Variants in KNSTRN observed in about 807,000 individuals in gnomAD.
KNSTRN encodes the protein kinetochore localized astrin (SPAG5) binding protein.
KNSTRN carries 38 observed loss-of-function variants against 44.7 expected under a neutral mutation model. The ratio of observed to expected loss-of-function variants is 0.85; its 90% CI spans 0.66 to 1.11. KNSTRN has a LOEUF of 1.11. Ranked by LOEUF, KNSTRN falls within the 50% of genes most tolerant of loss-of-function variation. KNSTRN has a pLI of 0.00. For missense variants in KNSTRN, 406 were observed against 375.8 expected (o/e 1.08, Z -0.66); for synonymous variants, 158 against 148.1 (o/e 1.07, Z -0.48).
intron 3 of KNSTRN, 116 bp from the exon 4 acceptor site, chr15:40,387,043 T>C: frequency 1.3e-6 from 1 of 764,070 alleles, no homozygotes; most frequent in Non-Finnish European, 2.3e-6. Flanking sequence ...CTTGTGCCAT[T>C]TGCCTTTTAT....
chr15:40,390,662 T>C (rs1377336083), intron 6 of KNSTRN, among the ~76,000 whole-genome samples: 1 of 152,098 alleles, frequency 6.6e-6, no homozygotes, highest in East Asian at 1.9e-4. Context: ...TTGCCCAAGC[T>C]GAAGTGCAGA....
chr15:40,389,457 A>G, intron 4 of KNSTRN, 49 bp from the exon 5 acceptor site: 1 of 1,436,250 alleles, frequency 7.0e-7, no homozygotes, highest in Non-Finnish European at 9.8e-7. Context: ...GGTGTGGGCC[A>G]TACTGTTAAC....
At chr15:40,393,313 G>C in intron 8 of KNSTRN, 156 bp from the exon 9 acceptor site, 1 of 1,607,210 alleles carries the variant, frequency 6.2e-7, no homozygotes, top group Non-Finnish European at 8.5e-7. Flanking sequence ...CCAGTGCATA[G>C]AAATAAAATC....
At chr15:40,384,522 C>T (rs1164862860) in intron 2 of KNSTRN, 5 of 455,368 alleles carry the variant, frequency 1.1e-5, no homozygotes, top group Admixed American at 4.7e-5. Flanking sequence ...GGAGCCAGGT[C>T]TCTCAGCTGC....
At position 40,394,260 on chromosome 15, in the gene KNSTRN, T is replaced by C. The variant is rs1182270786; in HGVS notation, c.*663T>C. 6.6e-6 allele frequency: 1 copy of C among 152,216 alleles called. No individual in the cohort carries two copies. Among genetic ancestry groups the C allele is most frequent in the African/African-American group, 2.4e-5 (1 of 41,462 alleles). The allele number at this position is 152,216 out of a possible 1,614,324, so 9.4% of individuals were successfully genotyped here. A position where few individuals can be genotyped will look rare whatever the true frequency, so the allele number is the denominator to read the frequency against. On this transcript the variant is annotated 3_prime_UTR_variant, in exon 9 of 9. Transcript: ENST00000249776. ...TTCTGTAAATATTCTGACTGTAACATTGAGGAATGAAAATAGCCTTTTAAC... is the reference window on the plus strand; with the variant it reads ...TTCTGTAAATATTCTGACTGTAACACTGAGGAATGAAAATAGCCTTTTAAC...
rs1889995880 is a variant in KNSTRN at position 40,391,502 on chromosome 15, G to A, written c.695G>A (p.Ser232Asn). 3.7e-6 allele frequency: 6 copies of A among 1,613,812 alleles called. No homozygotes were observed. The highest frequency in any genetic ancestry group is 5.1e-6 in the Non-Finnish European group (6 of 1,179,848). Residue 232 changes from serine to asparagine, a missense_variant, in exon 7 of 9, where the codon AGT (serine) becomes AAT (asparagine). Ser to Asn is a conservative substitution (Grantham distance 46). Coordinates refer to ENST00000249776, the MANE Select transcript of KNSTRN (RefSeq NM_033286.4). ...TTGTTGTATCCATCAGCTTTAGGCA[G>A]TGAGACCCTGGCATCACGACAAGAA... The part of the protein sequence containing the change: ...ESKGLDPALG[S>N]ETLASRQEST...
chr15:40,393,639 T>A lies in KNSTRN; in HGVS notation c.*42T>A. 6.3e-7 allele frequency: 1 copy of A among 1,583,560 alleles called. No individual in the cohort carries two copies. The highest frequency in any genetic ancestry group is 8.6e-7 in the Non-Finnish European group (1 of 1,160,084). ...AGATGGCTCCCTCTTGGGCATAAAA[T>A]CTCAGAGGAAGCTACTTAGGACATC... On this transcript the variant is annotated 3_prime_UTR_variant, in exon 9 of 9. Transcript: ENST00000249776.
rs1476690636 is a variant in KNSTRN at position 40,383,302 on chromosome 15, T to C, written c.284T>C (p.Leu95Pro). 6.2e-7 allele frequency: 1 copy of C among 1,612,500 alleles called. No homozygotes were observed. The highest frequency in any genetic ancestry group is 1.7e-5 in the Admixed American group (1 of 59,968). Residue 95 changes from leucine (L) to proline (P), a missense_variant, in exon 2 of 9, where the codon CTG becomes CCG. Physicochemically the swap from Leu to Pro is moderately conservative, Grantham distance 98. Coordinates refer to ENST00000249776, the MANE Select transcript of KNSTRN (RefSeq NM_033286.4). Reference protein sequence around the residue: ...TVYSLQPPSALSGGQPADTQT... With the variant: ...TVYSLQPPSAPSGGQPADTQT... ...TATAGCCTGCAGCCCCCCTCTGCGC[T>C]GAGCGGCGGCCAGCCGGCAGGTGAG...
At chr15:40,391,879 G>A (rs953735167) in intron 7 of KNSTRN, 70 bp from the exon 8 acceptor site, 1 of 1,193,270 alleles carries the variant, frequency 8.4e-7, no homozygotes, top group African/African-American at 1.5e-5. Flanking sequence ...TGGAAAGGAT[G>A]TTAGCCATCA....
chr15:40,388,588 G>A (rs902051965), intron 4 of KNSTRN, among the ~76,000 whole-genome samples: 4 of 151,998 alleles, frequency 2.6e-5, no homozygotes, highest in Non-Finnish European at 5.9e-5. Context: ...CCAGCTACTC[G>A]GGAGGCTGGG....
At chr15:40,387,020 C>T (rs1889914691) in intron 3 of KNSTRN, 139 bp from the exon 4 acceptor site, 1 of 703,802 alleles carries the variant, frequency 1.4e-6, no homozygotes, top group Non-Finnish European at 2.6e-6. Context: ...CATAGTCTCT[C>T]AGAGCTCTTA....
intron 8 of KNSTRN, among the ~76,000 whole-genome samples, chr15:40,392,363 A>G (rs909832165): frequency 3.9e-5 from 6 of 152,108 alleles, no homozygotes; most frequent in Admixed American, 3.3e-4. Flanking sequence ...CCCCAATAGT[A>G]ACATCTTACA....
chr15:40,393,243 G>A (rs769517906), intron 8 of KNSTRN: 15 of 1,613,720 alleles, frequency 9.3e-6, no homozygotes, highest in South Asian at 5.5e-5. Flanking sequence ...GGATTTCATC[G>A]TTCCAGTTTA....
intron 2 of KNSTRN, chr15:40,384,442 C>T (rs760624972): frequency 2.2e-6 from 1 of 455,764 alleles, no homozygotes. Context: ...TGTTTGTTGT[C>T]TTGTGTTGCC....
intron 4 of KNSTRN, 116 bp from the exon 5 acceptor site, chr15:40,389,390 A>C: frequency 1.4e-6 from 1 of 697,942 alleles, no homozygotes; most frequent in South Asian, 1.7e-5. Flanking sequence ...ACCTCAGGTG[A>C]TCTGCCTGCC....
At position 40,387,325 on chromosome 15, in the gene KNSTRN, C is replaced by G; in HGVS notation, c.485+119C>G. ...CTGTGTTAGGGTCTGGGTTCCACCT[C>G]AGGAACCTGAGTGGAATTTTCAGGG... On this transcript the variant is annotated intron_variant, in intron 4 of 8. Transcript: ENST00000249776. 5 of 842,534 alleles carry G rather than the reference C, an allele frequency of 5.9e-6. No individual in the cohort carries two copies. The Admixed American group carries it at 9.9e-5, about 17-fold the overall frequency. The allele number at this position is 842,534 out of a possible 1,614,324, so 52.2% of individuals were successfully genotyped here.
Position 40,383,242 on chromosome 15 carries a change from G to T in KNSTRN, c.224G>T (p.Arg75Leu), listed in dbSNP as rs7169404. 178,482 of 1,611,832 alleles carry T rather than the reference G, an allele frequency of 0.11. 10,960 individuals carry two copies. The highest frequency in any genetic ancestry group is 0.13 in the Non-Finnish European group (149,399 of 1,177,890). ...DRRAPGVQPCRLVTMTSVVKT... is the reference protein window; with the variant it reads ...DRRAPGVQPCLLVTMTSVVKT... ...GTACCTTCCAGGGTTCAGCCGTGCC[G>T]CCTCGTTACGATGACCAGTGTGGTT... is the stretch of plus-strand genomic sequence containing the variant. Residue 75 changes from arginine to leucine, a missense_variant, in exon 2 of 9, where the codon CGC becomes CTC. By Grantham distance (102) the Arg-to-Leu change is moderately radical. Transcript: ENST00000249776.
intron 8 of KNSTRN, among the ~76,000 whole-genome samples, chr15:40,392,971 G>A (rs1361217232): frequency 6.6e-6 from 1 of 151,608 alleles, no homozygotes; most frequent in Non-Finnish European, 1.5e-5. Context: ...TATATTCCAA[G>A]TCTTCATTTG....
chr15:40,386,248 T>A (rs1889899207), intron 2 of KNSTRN, 114 bp from the exon 3 acceptor site: 3 of 1,121,474 alleles, frequency 2.7e-6, no homozygotes, highest in African/African-American at 1.6e-5. Flanking sequence ...TAATACTTTT[T>A]AAAATAAAGT....
Sources: gnomAD v4.1 joint callset for allele counts (sites outside exome capture counted in the v4.1 genomes callset) on GRCh38, gnomAD v4.1.1 for gene constraint, MANE v1.5 for transcripts, NCBI Gene and HGNC (gene_info 2026-07-23, HGNC 2026-07-21) for gene names.